CDK5RAP2: variants seen among roughly 807,000 people sequenced by gnomAD.
The protein encoded by CDK5RAP2 is CDK5 regulatory subunit associated protein 2.
CDK5RAP2 carries 147 observed loss-of-function variants against 232.9 expected under a neutral mutation model. The observed-to-expected ratio is 0.63, with a 90% CI of 0.55 to 0.72. The LOEUF is 0.72. Ranked by LOEUF, CDK5RAP2 falls within the 30% of genes least tolerant of loss-of-function variation. The pLI is 0.00. For missense variants in CDK5RAP2, 2,195 were observed against 2,231.5 expected, an observed-to-expected ratio of 0.98 and a Z score of 0.33; for synonymous variants, 833 against 833.7, an observed-to-expected ratio of 1.00 and a Z score of 0.01.
At chr9:120,476,678 C>CAA (rs553428055) in intron 15 of CDK5RAP2, among the ~76,000 whole-genome samples, 27 of 85,754 alleles carry the variant, frequency 3.1e-4, no homozygotes, top group African/African-American at 9.8e-4. Context: ...GACTCCATCT[C>CAA]AAAAAAAAAA....
At chr9:120,420,890 T>G (rs1207123699) in intron 26 of CDK5RAP2, among the ~76,000 whole-genome samples, 1 of 152,182 alleles carries the variant, frequency 6.6e-6, no homozygotes, top group Non-Finnish European at 1.5e-5. Context: ...TGGCCCAAGT[T>G]AAACTACAGT....
intron 32 of CDK5RAP2, 27 bp downstream of exon 32, chr9:120,406,985 G>C (rs749633716): frequency 6.6e-7 from 1 of 1,519,542 alleles, no homozygotes; most frequent in Non-Finnish European, 9.1e-7. Context: ...TGCATTCTCA[G>C]CAAGTGGGGA....
chr9:120,471,705 A>T, intron 16 of CDK5RAP2, 43 bp downstream of exon 16: 1 of 1,613,644 alleles, frequency 6.2e-7, no homozygotes, highest in Non-Finnish European at 8.5e-7. Context: ...CATGCCCTCC[A>T]AGTGGAAAAA....
chr9:120,464,973 C>A (rs903324078), intron 18 of CDK5RAP2, among the ~76,000 whole-genome samples: 3 of 152,160 alleles, frequency 2.0e-5, no homozygotes, highest in Non-Finnish European at 4.4e-5. Flanking sequence ...TTCTGACAAC[C>A]ATTTCTGTCC....
chr9:120,494,932 A>C (rs2039097910), intron 12 of CDK5RAP2, among the ~76,000 whole-genome samples: 3 of 141,856 alleles, frequency 2.1e-5, no homozygotes, highest in African/African-American at 8.2e-5. Flanking sequence ...CCAGCTGCAG[A>C]TATGAAGCGG....
Position 120,415,132 on chromosome 9 carries a change from A to C in CDK5RAP2, c.4205T>G (p.Ile1402Ser). ...TTCTAAACGCTTTCTCAAAGTTCGA[A>C]TTTCCTGTATGTGTTCCATTAGTAA... ...QDLLMEHIQE[I>S]RTLRKRLEES... The change falls in exon 28 of 38, where the codon ATT (isoleucine) becomes AGT (serine). Residue 1402 changes from isoleucine (I) to serine (S), a missense_variant. Coordinates refer to ENST00000349780, the MANE Select transcript of CDK5RAP2 (RefSeq NM_018249.6). 6.2e-7 allele frequency: 1 copy of C among 1,614,148 alleles called. No homozygotes were observed. Among genetic ancestry groups the C allele is most frequent in the Non-Finnish European group, 8.5e-7 (1 of 1,179,984 alleles).
chr9:120,489,827 G>T (rs1277915412), intron 13 of CDK5RAP2, among the ~76,000 whole-genome samples: 5 of 140,592 alleles, frequency 3.6e-5, no homozygotes, highest in Non-Finnish European at 7.6e-5. Context: ...TTTTTTTTGA[G>T]AAGGAGTTTC....
chr9:120,461,875 G>A (rs1347262493), intron 18 of CDK5RAP2, among the ~76,000 whole-genome samples: 3 of 152,334 alleles, frequency 2.0e-5, no homozygotes, highest in South Asian at 2.1e-4. Context: ...AGTCTGCACC[G>A]AAGGTGCTGA....
chr9:120,528,994 A>G (rs1193467340), intron 8 of CDK5RAP2, 197 bp from the exon 9 acceptor site: 1 of 621,250 alleles, frequency 1.6e-6, no homozygotes, highest in East Asian at 2.8e-5. Flanking sequence ...TGTGAAGACA[A>G]CAACCTACCC....
intron 25 of CDK5RAP2, among the ~76,000 whole-genome samples, chr9:120,435,411 A>G (rs2035517756): frequency 6.6e-6 from 1 of 152,068 alleles, no homozygotes. Flanking sequence ...GTGAGTCTGG[A>G]CTGGAATTAA....
At chr9:120,530,507 G>C (rs1228227439) in intron 7 of CDK5RAP2, among the ~76,000 whole-genome samples, 1 of 152,174 alleles carries the variant, frequency 6.6e-6, no homozygotes, top group Non-Finnish European at 1.5e-5. Context: ...CAAAACCAAT[G>C]AAGCAGAGCT....
intron 22 of CDK5RAP2, among the ~76,000 whole-genome samples, chr9:120,444,852 T>A (rs2036093415): frequency 6.6e-6 from 1 of 152,170 alleles, no homozygotes; most frequent in Non-Finnish European, 1.5e-5. Context: ...GCCTTAACTA[T>A]AAGATGGTAG....
At chr9:120,508,377 C>T (rs2039929803) in intron 12 of CDK5RAP2, among the ~76,000 whole-genome samples, 1 of 152,154 alleles carries the variant, frequency 6.6e-6, no homozygotes, top group East Asian at 1.9e-4. Flanking sequence ...TGAGCAGCTC[C>T]ACTTCTGTGT....
chr9:120,397,557 A>G (rs1588223474), intron 35 of CDK5RAP2, among the ~76,000 whole-genome samples: 2 of 141,044 alleles, frequency 1.4e-5, no homozygotes, highest in African/African-American at 5.6e-5. Flanking sequence ...AAAAAAAAAA[A>G]AAAAAAAAGA....
At chr9:120,512,268 G>C (rs2040129707) in intron 12 of CDK5RAP2, among the ~76,000 whole-genome samples, 1 of 152,184 alleles carries the variant, frequency 6.6e-6, no homozygotes, top group African/African-American at 2.4e-5. Flanking sequence ...AGGATTACTT[G>C]AGCCTGAAGG....
intron 12 of CDK5RAP2, among the ~76,000 whole-genome samples, chr9:120,504,897 A>G (rs1035711497): frequency 1.3e-5 from 2 of 152,212 alleles, no homozygotes; most frequent in Admixed American, 6.5e-5. Flanking sequence ...TTCAAGTGCC[A>G]TCTCTTCCAC....
intron 14 of CDK5RAP2, among the ~76,000 whole-genome samples, chr9:120,479,609 A>C (rs1284922223): frequency 6.6e-6 from 1 of 152,232 alleles, no homozygotes; most frequent in Non-Finnish European, 1.5e-5. Context: ...AACTGAATCT[A>C]ATCAGCAAGA....
chr9:120,446,346 C>T (rs1021076828), intron 22 of CDK5RAP2, among the ~76,000 whole-genome samples: 1 of 152,130 alleles, frequency 6.6e-6, no homozygotes, highest in Non-Finnish European at 1.5e-5. Flanking sequence ...CCTGCTTCAG[C>T]CTACTGAGGA....
At chr9:120,575,524 T>C (rs925028508) in intron 1 of CDK5RAP2, among the ~76,000 whole-genome samples, 4 of 152,250 alleles carry the variant, frequency 2.6e-5, no homozygotes, top group Non-Finnish European at 5.9e-5. Flanking sequence ...AGGGGTCTTA[T>C]GTCTCCTTGA....
Sources: allele counts gnomAD v4.1 joint callset (sites outside exome capture counted in the v4.1 genomes callset), GRCh38; gene constraint gnomAD v4.1.1; transcripts MANE v1.5; gene names NCBI Gene and HGNC (gene_info 2026-07-23, HGNC 2026-07-21).